PARD3B: variants seen among roughly 807,000 people sequenced by gnomAD.
PARD3B encodes partitioning defective 3 homolog B.
Under a neutral mutation model 130.2 loss-of-function variants are expected in PARD3B, and 103 were observed. The observed-to-expected ratio is 0.79, with a 90% CI of 0.67 to 0.93. The LOEUF (loss-of-function observed/expected upper bound fraction) is 0.93, where lower values mean the gene tolerates loss of function less well. Ranked by LOEUF, PARD3B falls within the 40% of genes least tolerant of loss-of-function variation. PARD3B has a pLI of 0.00. For missense variants in PARD3B, 1,609 were observed against 1,499.2 expected (o/e 1.07, Z -1.21); for synonymous variants, 583 against 553.2 (o/e 1.05, Z -0.76).
intron 21 of PARD3B, among the ~76,000 whole-genome samples, chr2:205,513,046 G>A (rs2050650116): frequency 6.8e-6 from 1 of 147,978 alleles, no homozygotes; most frequent in Non-Finnish European, 1.5e-5. Context: ...TCCCTTTGCA[G>A]TAATTTCCCA....
At chr2:204,817,815 A>G (rs1192475587) in intron 2 of PARD3B, among the ~76,000 whole-genome samples, 8 of 152,170 alleles carry the variant, frequency 5.3e-5, no homozygotes, top group Non-Finnish European at 7.4e-5. Context: ...GAAGCAGTTA[A>G]TAGAGCTCAC....
chr2:205,135,001 A>G (rs753255837), intron 10 of PARD3B, among the ~76,000 whole-genome samples: 16 of 151,648 alleles, frequency 1.1e-4, no homozygotes, highest in Non-Finnish European at 2.1e-4. Context: ...CAAAGTTAAC[A>G]GTGAAGAGCT....
intron 22 of PARD3B, among the ~76,000 whole-genome samples, chr2:205,578,788 C>T (rs1003255130): frequency 6.6e-6 from 1 of 152,136 alleles, no homozygotes; most frequent in Non-Finnish European, 1.5e-5. Flanking sequence ...TGACACATCA[C>T]GTCAAATTAT....
At chr2:204,611,607 C>G (rs915197735) in intron 1 of PARD3B, among the ~76,000 whole-genome samples, 1 of 152,078 alleles carries the variant, frequency 6.6e-6, no homozygotes, top group Non-Finnish European at 1.5e-5. Flanking sequence ...AACTTGCAGA[C>G]TTTTAGCATC....
At chr2:205,433,759 C>A (rs1464770443) in intron 19 of PARD3B, among the ~76,000 whole-genome samples, 1 of 152,048 alleles carries the variant, frequency 6.6e-6, no homozygotes, top group African/African-American at 2.4e-5. Context: ...TATAGTAAAT[C>A]CTTTTTTCTG....
chr2:205,535,525 T>G (rs2051810586), intron 21 of PARD3B, among the ~76,000 whole-genome samples: 1 of 152,226 alleles, frequency 6.6e-6, no homozygotes, highest in South Asian at 2.1e-4. Context: ...ACAGTAATAA[T>G]ACCATTAATA....
At chr2:204,883,128 A>G (rs2125673039) in intron 2 of PARD3B, among the ~76,000 whole-genome samples, 1 of 152,122 alleles carries the variant, frequency 6.6e-6, no homozygotes, top group Non-Finnish European at 1.5e-5. Context: ...TAAGTTTTCA[A>G]ATGGTTGTTG....
intron 3 of PARD3B, among the ~76,000 whole-genome samples, chr2:205,046,845 A>G (rs1167518488): frequency 6.6e-6 from 1 of 152,188 alleles, no homozygotes; most frequent in Admixed American, 6.5e-5. Flanking sequence ...TTTTAGGCCT[A>G]ATTGCAGTCA....
intron 20 of PARD3B, among the ~76,000 whole-genome samples, chr2:205,498,408 A>G (rs1477210616): frequency 3.9e-5 from 6 of 152,014 alleles, no homozygotes; most frequent in Non-Finnish European, 5.9e-5. Context: ...AGGCTGAGAC[A>G]GGAGAATTGC....
intron 1 of PARD3B, among the ~76,000 whole-genome samples, chr2:204,583,825 C>T (rs1339657144): frequency 2.0e-5 from 3 of 152,184 alleles, no homozygotes; most frequent in African/African-American, 4.8e-5. Context: ...TTGATCAAAC[C>T]TCTGTTTGAG....
chr2:205,534,147 T>C (rs1559188352), intron 21 of PARD3B, among the ~76,000 whole-genome samples: 1 of 151,990 alleles, frequency 6.6e-6, no homozygotes, highest in Non-Finnish European at 1.5e-5. Context: ...TGTTGATTTG[T>C]TGAATATTTT....
intron 1 of PARD3B, among the ~76,000 whole-genome samples, chr2:204,632,270 T>C (rs186692194): frequency 2.0e-5 from 3 of 152,182 alleles, no homozygotes; most frequent in Non-Finnish European, 4.4e-5. Flanking sequence ...TAAGGCCTCC[T>C]CAGCCATGTG....
At chr2:204,817,534 C>T (rs1293977189) in intron 2 of PARD3B, among the ~76,000 whole-genome samples, 3 of 152,060 alleles carry the variant, frequency 2.0e-5, no homozygotes, top group East Asian at 3.9e-4. Flanking sequence ...AAGCACTCCT[C>T]GGTCTTGTGT....
chr2:204,609,375 T>C lies in PARD3B; in HGVS notation c.120+63256T>C, dbSNP rs138944772. ...TATTCTGAGCCAATATGAGTGACCA[T>C]GGCCTGGGGAACAGTCTCAAGAGGT... On this transcript the variant is annotated intron_variant, in intron 1 of 22. Transcript: ENST00000406610. Among the ~76,000 whole-genome samples, 78 of 152,284 alleles carry C rather than the reference T, an allele frequency of 5.1e-4. No individual in the cohort carries two copies. In the East Asian group the frequency reaches 0.014, roughly 27 times the overall value.
At chr2:205,553,713 A>ACAAT (rs1314008113) in intron 22 of PARD3B, among the ~76,000 whole-genome samples, 1 of 152,322 alleles carries the variant, frequency 6.6e-6, no homozygotes, top group African/African-American at 2.4e-5. Context: ...AAGCTTAGAG[A>ACAAT]CAATCAAATA....
At position 205,291,534 on chromosome 2, in the gene PARD3B, G is replaced by A. The variant is rs1055606055; in HGVS notation, c.2186-8996G>A. On this transcript the variant is annotated intron_variant, in intron 16 of 22. Transcript: ENST00000406610. This position sits in a 1 kb window ranked among gnomAD's most constrained non-coding sequence, Gnocchi z 4.6. ...ATTATGGAAGGTAGAACTTGTAAGT[G>A]ATGAAATTGGGTATTTAGCTGAAGC... is the stretch of plus-strand genomic sequence containing the variant. Among the ~76,000 whole-genome samples, 1 of 152,230 alleles carries A rather than the reference G, an allele frequency of 6.6e-6. No homozygotes were observed.
chr2:204,731,154 T>G (rs1005683418), intron 2 of PARD3B, among the ~76,000 whole-genome samples: 3 of 152,240 alleles, frequency 2.0e-5, no homozygotes, highest in African/African-American at 7.2e-5. Flanking sequence ...CCATTTTTAC[T>G]ATTGCTTGTA....
At chr2:204,697,884 T>C (rs1277238646) in intron 2 of PARD3B, among the ~76,000 whole-genome samples, 1 of 152,078 alleles carries the variant, frequency 6.6e-6, no homozygotes, top group Non-Finnish European at 1.5e-5. Flanking sequence ...GTGATTCAGT[T>C]TGTGCCAAAT....
Position 205,558,467 on chromosome 2 carries a change from T to G in PARD3B, c.3260+5064T>G, listed in dbSNP as rs573742248. On this transcript the variant is annotated intron_variant, in intron 22 of 22. Transcript: ENST00000406610. This position sits in a 1 kb window ranked among gnomAD's most constrained non-coding sequence, Gnocchi z 4.8. ...CGTGTGGCAGGTCTACCCCATTAAA[T>G]TGACTCTTGTATGTCAGAGAAAAAC... 6.6e-6 allele frequency among the ~76,000 whole-genome samples: 1 copy of G among 152,192 alleles called. No individual in the cohort carries two copies. Among genetic ancestry groups the G allele is most frequent in the Non-Finnish European group, 1.5e-5 (1 of 68,030 alleles).
Sources: gnomAD v4.1 joint callset for allele counts (sites outside exome capture counted in the v4.1 genomes callset) on GRCh38, gnomAD v4.1.1 for gene constraint, Gnocchi (gnomAD v3.1) non-coding constraint, MANE v1.5 for transcripts, NCBI Gene and HGNC (gene_info 2026-07-23, HGNC 2026-07-21) for gene names.